Variants in BPTF observed in about 807,000 individuals in gnomAD.
BPTF encodes the protein bromodomain PHD finger transcription factor.
A neutral mutation model predicts 292.5 loss-of-function variants in BPTF; 18 were observed. The ratio of observed to expected loss-of-function variants is 0.06; its 90% CI spans 0.04 to 0.09. The LOEUF (loss-of-function observed/expected upper bound fraction) is 0.09, where lower values mean the gene tolerates loss of function less well. BPTF is among the 10% of genes least tolerant of loss of function. The probability of loss-of-function intolerance (pLI) is 1.00; values close to 1 mark genes in which losing one functional copy is unlikely to be tolerated. For synonymous variants in BPTF, 1,225 were observed against 1,251.9 expected (o/e 0.98, Z 0.45); for missense variants, 2,726 against 3,498.7 (o/e 0.78, Z 5.57).
intron 18 of BPTF, among the ~76,000 whole-genome samples, chr17:67,932,442 G>A (rs1462145323): frequency 6.6e-6 from 1 of 152,210 alleles, no homozygotes; most frequent in Non-Finnish European, 1.5e-5. Flanking sequence ...ACTCTCCCCT[G>A]TAATCCCACT....
intron 4 of BPTF, among the ~76,000 whole-genome samples, chr17:67,878,287 G>A (rs1181394019): frequency 1.3e-5 from 2 of 152,062 alleles, no homozygotes; most frequent in African/African-American, 4.8e-5. Flanking sequence ...CATGATTCTT[G>A]TTACATTTTG....
intron 21 of BPTF, among the ~76,000 whole-genome samples, chr17:67,946,987 G>A (rs546589360): frequency 6.0e-4 from 91 of 152,292 alleles, no homozygotes; most frequent in African/African-American, 2.1e-3. Context: ...TTTGAATGTG[G>A]ATTTTAAGTG....
intron 17 of BPTF, among the ~76,000 whole-genome samples, chr17:67,930,715 G>A (rs1024111045): frequency 6.6e-6 from 1 of 151,154 alleles, no homozygotes; most frequent in Non-Finnish European, 1.5e-5. Context: ...AGGCTGAGGC[G>A]AGAGGATCAC....
chr17:67,827,205 A>G (rs1345006525), intron 1 of BPTF, among the ~76,000 whole-genome samples: 1 of 152,182 alleles, frequency 6.6e-6, no homozygotes, highest in African/African-American at 2.4e-5. Flanking sequence ...ATCTAGACAT[A>G]ATTGCCGAAG....
intron 2 of BPTF, among the ~76,000 whole-genome samples, chr17:67,859,346 G>C (rs934262190): frequency 1.3e-5 from 2 of 152,032 alleles, no homozygotes; most frequent in African/African-American, 4.8e-5. Flanking sequence ...AGGTCTCACT[G>C]TGTTGGCCAG....
intron 23 of BPTF, among the ~76,000 whole-genome samples, chr17:67,954,078 C>CCCAGATCAGTCAGTCCTT (rs1555679853): frequency 6.7e-6 from 1 of 148,810 alleles, no homozygotes; most frequent in Non-Finnish European, 1.5e-5. Flanking sequence ...CTTCCACCTA[C>CCCAGATCAGTCAGTCCTT]CCAGATCAGT....
At chr17:67,849,796 C>T (rs2058274931) in intron 1 of BPTF, among the ~76,000 whole-genome samples, 2 of 152,040 alleles carry the variant, frequency 1.3e-5, no homozygotes, top group Non-Finnish European at 2.9e-5. Context: ...AAAAAATTAG[C>T]CGGGCATGGT....
chr17:67,946,616 G>C (rs1459727302), intron 21 of BPTF, among the ~76,000 whole-genome samples: 4 of 152,170 alleles, frequency 2.6e-5, no homozygotes, highest in Non-Finnish European at 5.9e-5. Flanking sequence ...TATAAAACTT[G>C]AGGGTTTAAC....
chr17:67,910,427 T>A (rs2062574020), intron 10 of BPTF, among the ~76,000 whole-genome samples: 1 of 152,188 alleles, frequency 6.6e-6, no homozygotes, highest in Admixed American at 6.6e-5. Context: ...TTTGAGGAAC[T>A]ACATTGTCTT....
chr17:67,952,788 A>G (rs1249021891), intron 23 of BPTF, among the ~76,000 whole-genome samples: 4 of 152,176 alleles, frequency 2.6e-5, no homozygotes, highest in African/African-American at 9.7e-5. Context: ...TAACGTATTC[A>G]TCATCACAGT....
At position 67,890,061 on chromosome 17, in the gene BPTF, G is replaced by A. The variant is rs77069333; in HGVS notation, c.1865-1783G>A. Among the ~76,000 whole-genome samples the A allele has an allele frequency of 4.1e-3, 618 of 152,284 alleles. 5 individuals carry two copies. The highest frequency in any genetic ancestry group is 0.014 in the African/African-American group (579 of 41,556). ...CCTTAAAAATCGGGGCTGGAAATTTGTAGAAATTTCTAGACCTACTTTTGA... is the reference window on the plus strand; with the variant it reads ...CCTTAAAAATCGGGGCTGGAAATTTATAGAAATTTCTAGACCTACTTTTGA... On this transcript the variant is annotated intron_variant, in intron 4 of 27. Coordinates refer to ENST00000306378, the MANE Select transcript of BPTF (RefSeq NM_182641.4).
At chr17:67,836,584 C>T (rs1030528809) in intron 1 of BPTF, among the ~76,000 whole-genome samples, 2 of 152,152 alleles carry the variant, frequency 1.3e-5, no homozygotes, top group African/African-American at 4.8e-5. Flanking sequence ...ACAATCCTTT[C>T]TAAAGGTTTA....
At chr17:67,833,502 A>G (rs1229436665) in intron 1 of BPTF, among the ~76,000 whole-genome samples, 1 of 151,618 alleles carries the variant, frequency 6.6e-6, no homozygotes, top group Non-Finnish European at 1.5e-5. Context: ...ATCTGTACGT[A>G]TGTTTTCATT....
At chr17:67,964,830 T>C (rs1390050175) in intron 25 of BPTF, among the ~76,000 whole-genome samples, 1 of 150,016 alleles carries the variant, frequency 6.7e-6, no homozygotes, top group Non-Finnish European at 1.5e-5. Flanking sequence ...AAACCCCGTC[T>C]CTACTAAAAA....
intron 1 of BPTF, among the ~76,000 whole-genome samples, chr17:67,828,152 G>C (rs1374636432): frequency 6.6e-6 from 1 of 151,980 alleles, no homozygotes. Flanking sequence ...GGCTGGTCTC[G>C]AACTCTTGAC....
At chr17:67,882,330 T>C (rs1361634619) in intron 4 of BPTF, among the ~76,000 whole-genome samples, 1 of 152,142 alleles carries the variant, frequency 6.6e-6, no homozygotes, top group African/African-American at 2.4e-5. Context: ...TTTTGGTGGG[T>C]AGTGTTATGA....
chr17:67,928,380 C>T lies in BPTF; in HGVS notation c.5777C>T (p.Thr1926Ile). 6.2e-7 allele frequency: 1 copy of T among 1,613,182 alleles called. No individual in the cohort carries two copies. Among genetic ancestry groups the T allele is most frequent in the Non-Finnish European group, 8.5e-7 (1 of 1,179,544 alleles). Residue 1926 changes from threonine to isoleucine, a missense_variant, in exon 16 of 28, where the codon ACA (threonine) becomes ATA (isoleucine). By Grantham distance (89) the Thr-to-Ile change is moderately conservative. Coordinates refer to ENST00000306378, the MANE Select transcript of BPTF (RefSeq NM_182641.4). ...AAACGACTGGAGCAGCAGAAGCCGA[C>T]AGTGATTGCAACTTCCACTACTTCC... is the stretch of plus-strand genomic sequence containing the variant. Reference protein sequence around the residue: ...AKKRLEQQKPTVIATSTTSPT... With the variant: ...AKKRLEQQKPIVIATSTTSPT...
intron 18 of BPTF, among the ~76,000 whole-genome samples, chr17:67,935,041 T>C (rs1598764922): frequency 6.6e-6 from 1 of 152,150 alleles, no homozygotes; most frequent in East Asian, 1.9e-4. Context: ...ACACCTACTC[T>C]AGGCAGTTGA....
At chr17:67,924,842 A>G (rs2063739594) in intron 15 of BPTF, among the ~76,000 whole-genome samples, 1 of 152,060 alleles carries the variant, frequency 6.6e-6, no homozygotes, top group Admixed American at 6.6e-5. Context: ...CCGAGCCTCG[A>G]CATCCCTGGT....
Sources: gnomAD v4.1 joint callset for allele counts (sites outside exome capture counted in the v4.1 genomes callset) on GRCh38, gnomAD v4.1.1 for gene constraint, MANE v1.5 for transcripts, NCBI Gene and HGNC (gene_info 2026-07-23, HGNC 2026-07-21) for gene names.